The following NTM variants were observed in gnomAD, a reference collection of about 807,000 sequenced individuals.
NTM encodes IgLON family member 2.
Under a neutral mutation model 42.1 loss-of-function variants are expected in NTM, and 13 were observed. The observed-to-expected ratio is 0.31, with a 90% CI of 0.20 to 0.49. The LOEUF (loss-of-function observed/expected upper bound fraction) is 0.49, where lower values mean the gene tolerates loss of function less well. NTM is among the 20% of genes least tolerant of loss of function. NTM has a pLI of 0.99. For missense variants in NTM, 373 were observed against 452.8 expected (o/e 0.82, Z 1.60); for synonymous variants, 187 against 179.2 (o/e 1.04, Z -0.35).
At chr11:131,683,937 G>A (rs1461218802) in intron 1 of NTM, among the ~76,000 whole-genome samples, 2 of 152,198 alleles carry the variant, frequency 1.3e-5, no homozygotes, top group Non-Finnish European at 2.9e-5. Flanking sequence ...CACTTAGAAA[G>A]GGCGTTCTGA....
chr11:131,719,810 T>C (rs2078126586), intron 1 of NTM, among the ~76,000 whole-genome samples: 1 of 152,202 alleles, frequency 6.6e-6, no homozygotes. Context: ...CTCCAGGATC[T>C]AAGTGGAAAA....
rs1555127409 is a variant in NTM, at chr11:131,789,494, A to AAGAAAG, written c.83-122069_83-122068insGAAAGA. Reference sequence around the variant, plus strand: ...GAAGAAGAAGAAGAAGAAGAAGAGGAAAGAAGAAGAAGAAGAAGAAGAAGA... The same window carrying AAGAAAG: ...GAAGAAGAAGAAGAAGAAGAAGAGGAAGAAAGAAGAAGAAGAAGAAGAAGAAGAAGA... On this transcript the variant is annotated intron_variant, in intron 1 of 8. Coordinates refer to ENST00000683400, the MANE Select transcript of NTM (RefSeq NM_001352005.2). 7.8e-4 allele frequency among the ~76,000 whole-genome samples: 3 copies of AAGAAAG among 3,860 alleles called. 1 individual carries two copies. The highest frequency in any genetic ancestry group is 1.5e-3 in the Non-Finnish European group (3 of 2,054). The allele number at this position is 3,860 out of a possible 152,430, so 2.5% of individuals were successfully genotyped here.
intron 2 of NTM, among the ~76,000 whole-genome samples, chr11:131,980,196 G>A (rs1001052138): frequency 3.9e-5 from 6 of 152,196 alleles, no homozygotes; most frequent in Non-Finnish European, 7.3e-5. Flanking sequence ...TTCTGGAATA[G>A]GAATTGGTCA....
At chr11:131,778,199 C>G (rs1442191155) in intron 1 of NTM, among the ~76,000 whole-genome samples, 1 of 152,194 alleles carries the variant, frequency 6.6e-6, no homozygotes, top group Admixed American at 6.5e-5. Flanking sequence ...AAACATGCAA[C>G]CTCTACATGT....
chr11:131,754,929 C>T (rs2135738898), intron 1 of NTM, among the ~76,000 whole-genome samples: 1 of 152,246 alleles, frequency 6.6e-6, no homozygotes, highest in South Asian at 2.1e-4. Flanking sequence ...AAGGCCAGAT[C>T]CAGAAGAGTA....
At chr11:132,334,643 G>T (rs2095854878) in intron 8 of NTM, among the ~76,000 whole-genome samples, 1 of 152,132 alleles carries the variant, frequency 6.6e-6, no homozygotes, top group Admixed American at 6.5e-5. Context: ...TTTCAGGCAG[G>T]CAGTGCTCAG....
intron 1 of NTM, among the ~76,000 whole-genome samples, chr11:131,508,694 AC>A (rs2047826643): frequency 6.6e-6 from 1 of 151,226 alleles, no homozygotes; most frequent in African/African-American, 2.4e-5. Context: ...ACCATGGAAT[AC>A]TATGCAGCCA....
At chr11:132,186,354 T>C (rs1217457879) in intron 3 of NTM, among the ~76,000 whole-genome samples, 1 of 152,190 alleles carries the variant, frequency 6.6e-6, no homozygotes, top group Non-Finnish European at 1.5e-5. Flanking sequence ...CCAGCCCCTA[T>C]GAATACACTA....
intron 1 of NTM, among the ~76,000 whole-genome samples, chr11:131,484,718 G>A (rs1436774428): frequency 6.6e-6 from 1 of 152,150 alleles, no homozygotes; most frequent in African/African-American, 2.4e-5. Flanking sequence ...TCCAGTCTGG[G>A]TCTGAAGTCC....
chr11:131,859,935 C>G (rs188457280), intron 1 of NTM, among the ~76,000 whole-genome samples: 1 of 151,726 alleles, frequency 6.6e-6, no homozygotes, highest in Non-Finnish European at 1.5e-5. Flanking sequence ...TTCCCCTTTT[C>G]TCACTTCCTC....
chr11:132,150,835 A>T (rs2071734597), intron 3 of NTM, among the ~76,000 whole-genome samples: 1 of 152,202 alleles, frequency 6.6e-6, no homozygotes, highest in South Asian at 2.1e-4. Flanking sequence ...GAATACTAAC[A>T]TGTCTAAAGA....
chr11:131,513,795 G>A (rs2048551765), intron 1 of NTM, among the ~76,000 whole-genome samples: 1 of 152,146 alleles, frequency 6.6e-6, no homozygotes, highest in South Asian at 2.1e-4. Context: ...AAGGTCCCTG[G>A]CAGACTGAGA....
At chr11:132,269,408 A>T (rs1004512332) in intron 4 of NTM, among the ~76,000 whole-genome samples, 5 of 152,206 alleles carry the variant, frequency 3.3e-5, no homozygotes, top group Non-Finnish European at 7.3e-5. Flanking sequence ...TGCACCGTCT[A>T]TCCCACTAAA....
chr11:131,374,097 G>A lies in NTM; in HGVS notation c.82+3209G>A, dbSNP rs572243944. The stretch of plus-strand genomic sequence containing the variant: ...TGGCAAAGTGGAAACATCAGCCTGG[G>A]ATGATGGGACCCTGGGCCTGACATA... On this transcript the variant is annotated intron_variant, in intron 1 of 8. Transcript: ENST00000683400. 2.6e-5 allele frequency among the ~76,000 whole-genome samples: 4 copies of A among 152,342 alleles called. No individual in the cohort carries two copies. The South Asian group carries it at 8.3e-4, about 32-fold the overall frequency.
At chr11:132,026,133 A>C (rs935149172) in intron 2 of NTM, among the ~76,000 whole-genome samples, 1 of 152,260 alleles carries the variant, frequency 6.6e-6, no homozygotes, top group South Asian at 2.1e-4. Context: ...AATCATTATG[A>C]TGAATGCGGT....
chr11:132,138,575 T>TATC (rs1175551121), intron 2 of NTM, among the ~76,000 whole-genome samples: 1 of 27,834 alleles, frequency 3.6e-5, no homozygotes, highest in African/African-American at 1.0e-4. Flanking sequence ...TCTATCTATC[T>TATC]ATCTATCTAT....
intron 1 of NTM, among the ~76,000 whole-genome samples, chr11:131,845,215 A>AT (rs1218678586): frequency 2.0e-5 from 3 of 152,072 alleles, no homozygotes; most frequent in Non-Finnish European, 4.4e-5. Context: ...AAAAACAGTG[A>AT]TTTTTTTCCT....
intron 2 of NTM, among the ~76,000 whole-genome samples, chr11:131,923,979 C>T (rs1370677466): frequency 2.6e-5 from 4 of 152,288 alleles, no homozygotes; most frequent in East Asian, 3.9e-4. Context: ...CAGTGTGAAG[C>T]GTGAAGTACT....
intron 2 of NTM, among the ~76,000 whole-genome samples, chr11:132,004,605 TTCTCTCTCTCTCTCTC>T (rs71480226): frequency 8.3e-5 from 12 of 144,046 alleles, no homozygotes; most frequent in Non-Finnish European, 1.4e-4. Context: ...CTTTCTCTCT[TTCTCTCTCTCTCTCTC>T]TCTCTCTCTC....
Sources: gnomAD v4.1 joint callset for allele counts (sites outside exome capture counted in the v4.1 genomes callset) on GRCh38, gnomAD v4.1.1 for gene constraint, MANE v1.5 for transcripts, NCBI Gene and HGNC (gene_info 2026-07-23, HGNC 2026-07-21) for gene names.